KPNA1: variants seen among roughly 807,000 people sequenced by gnomAD.
KPNA1 encodes karyopherin subunit alpha 1, also known as importin subunit alpha-5.
A neutral mutation model predicts 70.5 loss-of-function variants in KPNA1; 10 were observed. The ratio of observed to expected loss-of-function variants is 0.14; its 90% CI spans 0.09 to 0.24. KPNA1 has a LOEUF of 0.24. KPNA1 is among the 10% of genes least tolerant of loss of function. The probability of loss-of-function intolerance (pLI) is 1.00; values close to 1 mark genes in which losing one functional copy is unlikely to be tolerated. For missense variants in KPNA1, 397 were observed against 637.9 expected, an observed-to-expected ratio of 0.62 and a Z score of 4.07; for synonymous variants, 192 against 221.9, an observed-to-expected ratio of 0.87 and a Z score of 1.20.
intron 1 of KPNA1, among the ~76,000 whole-genome samples, chr3:122,513,401 T>G (rs2076977734): frequency 6.6e-6 from 1 of 152,222 alleles, no homozygotes; most frequent in African/African-American, 2.4e-5. Flanking sequence ...ACAACAGAAC[T>G]CATTCTTACT....
At chr3:122,465,671 G>A (rs1002144844) in intron 3 of KPNA1, among the ~76,000 whole-genome samples, 2 of 152,244 alleles carry the variant, frequency 1.3e-5, no homozygotes, top group Admixed American at 6.5e-5. Context: ...GGAAGCCAAG[G>A]CGGGTGGATC....
At chr3:122,463,786 T>C (rs1051807077) in intron 4 of KPNA1, among the ~76,000 whole-genome samples, 156 bp downstream of exon 4, 5 of 152,284 alleles carry the variant, frequency 3.3e-5, no homozygotes, top group African/African-American at 1.2e-4. Flanking sequence ...AAACTTAAAA[T>C]TTAGGCATGG....
intron 1 of KPNA1, among the ~76,000 whole-genome samples, chr3:122,508,413 A>G (rs2076915409): frequency 6.6e-6 from 1 of 152,196 alleles, no homozygotes; most frequent in Admixed American, 6.5e-5. Context: ...AGGTTTGTTG[A>G]AAGTCTACAA....
intron 2 of KPNA1, among the ~76,000 whole-genome samples, chr3:122,471,335 C>T (rs1455760593): frequency 3.3e-5 from 5 of 152,168 alleles, no homozygotes; most frequent in Admixed American, 3.3e-4. Flanking sequence ...ACAATGTTTT[C>T]CTTCACTGAT....
At chr3:122,454,081 ATG>A in intron 5 of KPNA1, 80 bp from the exon 6 acceptor site, 1 of 973,090 alleles carries the variant, frequency 1.0e-6, no homozygotes, top group Admixed American at 3.0e-5. Context: ...TTTTCTGTAC[ATG>A]AAAAAAAGAT....
intron 5 of KPNA1, chr3:122,459,872 A>G (rs2076304013): frequency 1.0e-6 from 1 of 985,360 alleles, no homozygotes; most frequent in Admixed American, 6.1e-5. Context: ...AGGAGAGAAA[A>G]CATCAAGGCA....
chr3:122,488,988 G>A lies in KPNA1; in HGVS notation c.129+7449C>T, dbSNP rs576413190. Among the ~76,000 whole-genome samples, 24 of 148,506 alleles carry A rather than the reference G, an allele frequency of 1.6e-4. No individual in the cohort carries two copies. The South Asian group carries it at 4.5e-3, about 28-fold the overall frequency. ...TCTTCCACCCTCTCTTTTCCTTTAC[G>A]GACTCCAATTGCCTGTATTTAGCTT... On this transcript the variant is annotated intron_variant, in intron 2 of 13. Coordinates refer to ENST00000344337, the MANE Select transcript of KPNA1 (RefSeq NM_002264.4).
rs190944583 is a variant in KPNA1 at position 122,464,000 on chromosome 3, G to A, written c.279C>T (p.Ser93=). ...CTGAAAGCTGTTGCTCTGGGCTTTT[G>A]GAAAATATCATTTCAATCATGTCAG... The part of the protein sequence containing the change: ...ITSDMIEMIF[S]KSPEQQLSAT... Residue 93 remains serine, a synonymous_variant, in exon 4 of 14, where the codon TCC becomes TCT. Transcript: ENST00000344337. 9.3e-6 allele frequency: 15 copies of A among 1,605,566 alleles called. No individual in the cohort carries two copies. The East Asian group carries it at 3.4e-4, about 36-fold the overall frequency.
intron 11 of KPNA1, among the ~76,000 whole-genome samples, chr3:122,435,802 T>A (rs530188688): frequency 1.3e-5 from 2 of 152,274 alleles, no homozygotes; most frequent in East Asian, 3.9e-4. Context: ...AATCTCTTAA[T>A]CCCGTCATCT....
intron 2 of KPNA1, among the ~76,000 whole-genome samples, chr3:122,484,857 A>T (rs1308437833): frequency 1.3e-5 from 2 of 152,182 alleles, no homozygotes; most frequent in African/African-American, 4.8e-5. Context: ...AGCTGATTCT[A>T]AAGTTCATAT....
chr3:122,503,252 C>CATATAT (rs2076850594), intron 1 of KPNA1, among the ~76,000 whole-genome samples: 2 of 140,576 alleles, frequency 1.4e-5, no homozygotes, highest in South Asian at 4.6e-4. Context: ...TGGAAGCATG[C>CATATAT]ATACATATAT....
At position 122,427,083 on chromosome 3, in the gene KPNA1, C is replaced by T. The variant is rs2075832927; in HGVS notation, c.1519G>A (p.Glu507Lys). Residue 507 changes from glutamate (E) to lysine (K), a missense_variant, in exon 14 of 14, where the codon GAA (glutamate) becomes AAA (lysine). Glu to Lys is a moderately conservative substitution (Grantham distance 56). Coordinates refer to ENST00000344337, the MANE Select transcript of KPNA1 (RefSeq NM_002264.4). ...GGTGCAATGCTGCTGTCTTCATCTT[C>T]GGTCCCGAAGTAATGCTCAATAAGA... Reference protein sequence around the residue: ...FDLIEHYFGTEDEDSSIAPQV... With the variant: ...FDLIEHYFGTKDEDSSIAPQV... 2 of 1,614,122 alleles carry T rather than the reference C, an allele frequency of 1.2e-6. No individual in the cohort carries two copies. The highest frequency in any genetic ancestry group is 2.2e-5 in the South Asian group (2 of 91,084).
chr3:122,512,102 C>T (rs1220046741), intron 1 of KPNA1, among the ~76,000 whole-genome samples: 7 of 151,812 alleles, frequency 4.6e-5, no homozygotes, highest in African/African-American at 1.7e-4. Context: ...ATAGTTGAGA[C>T]TAAAGAAAAT....
rs1034476098 is a variant in KPNA1 at position 122,424,303 on chromosome 3, CTAAGT to C, written c.*2677_*2681del. On this transcript the variant is annotated 3_prime_UTR_variant, in exon 14 of 14. Coordinates refer to ENST00000344337, the MANE Select transcript of KPNA1 (RefSeq NM_002264.4). ...TGGTAGGGTATTCAGTGAATTTAAA[CTAAGT>C]TAACAGAATCTGAGAGGCAAAGAAC... is the stretch of plus-strand genomic sequence containing the variant. 3.9e-5 allele frequency: 6 copies of C among 152,140 alleles called. No individual in the cohort carries two copies. The highest frequency in any genetic ancestry group is 1.4e-4 in the African/African-American group (6 of 41,432). The allele number at this position is 152,140 out of a possible 1,614,324, so 9.4% of individuals were successfully genotyped here. A position where few individuals can be genotyped will look rare whatever the true frequency, so the allele number is the denominator to read the frequency against.
chr3:122,494,923 C>T (rs1179373466), intron 2 of KPNA1, among the ~76,000 whole-genome samples: 1 of 151,988 alleles, frequency 6.6e-6, no homozygotes, highest in Non-Finnish European at 1.5e-5. Context: ...ATGTATTCCA[C>T]TTAAATATAT....
intron 2 of KPNA1, among the ~76,000 whole-genome samples, chr3:122,491,754 G>T (rs1221662082): frequency 1.3e-5 from 2 of 150,722 alleles, no homozygotes; most frequent in African/African-American, 4.9e-5. Context: ...CAGAATAAGA[G>T]ATGTACCACG....
At chr3:122,465,924 C>A (rs1292004873) in intron 3 of KPNA1, among the ~76,000 whole-genome samples, 1 of 152,232 alleles carries the variant, frequency 6.6e-6, no homozygotes, top group African/African-American at 2.4e-5. Flanking sequence ...CTTGCCAGCT[C>A]CCAAAGACAC....
intron 9 of KPNA1, among the ~76,000 whole-genome samples, chr3:122,445,014 T>C (rs1218672967): frequency 6.6e-6 from 1 of 152,222 alleles, no homozygotes; most frequent in Non-Finnish European, 1.5e-5. Flanking sequence ...AGATCGCAGC[T>C]TCTCGCCAGC....
chr3:122,427,455 C>T, intron 13 of KPNA1, 83 bp downstream of exon 13: 3 of 1,315,704 alleles, frequency 2.3e-6, no homozygotes, highest in Non-Finnish European at 3.1e-6. Flanking sequence ...CAGTGCCTAG[C>T]AGTAGTAGTA....
Sources: allele counts gnomAD v4.1 joint callset (sites outside exome capture counted in the v4.1 genomes callset), GRCh38; gene constraint gnomAD v4.1.1; transcripts MANE v1.5; gene names NCBI Gene and HGNC (gene_info 2026-07-23, HGNC 2026-07-21).